Variants in EFCAB14 observed in about 807,000 individuals in gnomAD.
EFCAB14 encodes the protein EF-hand calcium binding domain 14.
EFCAB14 carries 43 observed loss-of-function variants against 56.5 expected under a neutral mutation model. The ratio of observed to expected loss-of-function variants is 0.76; its 90% confidence interval spans 0.60 to 0.98. EFCAB14 has a LOEUF of 0.98. Among genes scored for constraint, EFCAB14 ranks in the 50% least tolerant of loss-of-function variants. EFCAB14 has a pLI of 0.00. For synonymous variants in EFCAB14, 235 were observed against 212.9 expected, an observed-to-expected ratio of 1.10 and a Z score of -0.90; for missense variants, 538 against 580.3, an observed-to-expected ratio of 0.93 and a Z score of 0.75.
intron 2 of EFCAB14, among the ~76,000 whole-genome samples, chr1:46,709,712 G>A (rs1383034537): frequency 6.6e-6 from 1 of 152,202 alleles, no homozygotes; most frequent in East Asian, 1.9e-4. Flanking sequence ...CCCAGGCTGG[G>A]TGCGGTGGCT....
chr1:46,695,043 A>C (rs1569706884), intron 4 of EFCAB14, among the ~76,000 whole-genome samples: 1 of 139,050 alleles, frequency 7.2e-6, no homozygotes, highest in African/African-American at 2.7e-5. Flanking sequence ...ACACTTGGAC[A>C]CAGGAAGGGG....
chr1:46,697,559 G>A (rs1677094033), intron 3 of EFCAB14, among the ~76,000 whole-genome samples: 1 of 152,176 alleles, frequency 6.6e-6, no homozygotes, highest in Non-Finnish European at 1.5e-5. Context: ...ATTCAGAGTG[G>A]CCTCAGAGTA....
intron 1 of EFCAB14, 62 bp from the exon 2 acceptor site, chr1:46,716,505 C>T (rs1677397478): frequency 1.3e-6 from 2 of 1,571,814 alleles, no homozygotes; most frequent in African/African-American, 1.4e-5. Context: ...GCTTTATTAG[C>T]AATAGTACAC....
chr1:46,709,312 G>A (rs546135081), intron 2 of EFCAB14, among the ~76,000 whole-genome samples: 2 of 152,074 alleles, frequency 1.3e-5, no homozygotes, highest in Non-Finnish European at 2.9e-5. Flanking sequence ...ACTAACCTTT[G>A]AAGCCTCATG....
chr1:46,710,194 A>G, intron 2 of EFCAB14, among the ~76,000 whole-genome samples: 1 of 152,186 alleles, frequency 6.6e-6, no homozygotes, highest in East Asian at 1.9e-4. Context: ...CAGACTTCCT[A>G]CATGCTTTAA....
chr1:46,684,408 C>G (rs1346657402), intron 9 of EFCAB14, 83 bp downstream of exon 9: 1 of 1,129,568 alleles, frequency 8.9e-7, no homozygotes, highest in Non-Finnish European at 1.3e-6. Context: ...ATCAGTACTG[C>G]TGGAACACCT....
chr1:46,689,759 T>C, intron 5 of EFCAB14, 68 bp from the exon 6 acceptor site: 1 of 1,388,160 alleles, frequency 7.2e-7, no homozygotes, highest in Non-Finnish European at 1.0e-6. Context: ...TATCTGAGAT[T>C]GTCCTAGAAC....
intron 6 of EFCAB14, 116 bp from the exon 7 acceptor site, chr1:46,688,660 G>T: frequency 1.2e-6 from 1 of 862,142 alleles, no homozygotes; most frequent in Non-Finnish European, 1.8e-6. Context: ...TCCTTTTCCT[G>T]GTTTTGACCA....
At chr1:46,714,996 G>A (rs1054078239) in intron 2 of EFCAB14, among the ~76,000 whole-genome samples, 6 of 152,134 alleles carry the variant, frequency 3.9e-5, no homozygotes, top group Admixed American at 3.3e-4. Context: ...AGCCCTTCAC[G>A]AGTATGTAAC....
At chr1:46,691,958 A>T in intron 4 of EFCAB14, 21 bp from the exon 5 acceptor site, 1 of 1,589,222 alleles carries the variant, frequency 6.3e-7, no homozygotes, top group African/African-American at 1.4e-5. Flanking sequence ...ACATATAGGA[A>T]GGTGTAAAAA....
intron 8 of EFCAB14, among the ~76,000 whole-genome samples, chr1:46,684,919 G>A (rs955551776): frequency 1.3e-5 from 2 of 152,188 alleles, no homozygotes; most frequent in Non-Finnish European, 1.5e-5. Flanking sequence ...GTGCCTATGC[G>A]ACACCCATTT....
At chr1:46,714,268 A>G (rs1677353156) in intron 2 of EFCAB14, among the ~76,000 whole-genome samples, 1 of 152,130 alleles carries the variant, frequency 6.6e-6, no homozygotes, top group South Asian at 2.1e-4. Flanking sequence ...CTTTAATTCC[A>G]GTTCTGGAGC....
rs148579963 is a variant in EFCAB14, at chr1:46,688,496, C to A, written c.844G>T (p.Val282Leu). The A allele has an allele frequency of 5.6e-5, 91 of 1,613,776 alleles. 1 individual carries two copies. The Admixed American group carries it at 1.5e-3, about 27-fold the overall frequency. ...NSLEEVNSAL[V>L]GYQRQNDLKL... ...AGATCATTCTGTCTCTGGTACCCCA[C>A]TAGGGCACTGTTTACCTCCTCTAAA... Residue 282 changes from valine (V) to leucine (L), a missense_variant, in exon 7 of 11, where the codon GTG (valine) becomes TTG (leucine). Physicochemically the swap from Val to Leu is conservative, Grantham distance 32 (BLOSUM62 1). Coordinates refer to ENST00000371933, the MANE Select transcript of EFCAB14 (RefSeq NM_014774.3).
chr1:46,712,761 A>G (rs1233892717), intron 2 of EFCAB14, among the ~76,000 whole-genome samples: 1 of 152,108 alleles, frequency 6.6e-6, no homozygotes, highest in Non-Finnish European at 1.5e-5. Flanking sequence ...TAATCCCAGC[A>G]CTTTGGGAGG....
intron 3 of EFCAB14, among the ~76,000 whole-genome samples, chr1:46,702,722 C>CT (rs984931518): frequency 1.3e-5 from 2 of 152,150 alleles, no homozygotes; most frequent in Non-Finnish European, 2.9e-5. Flanking sequence ...TATCATCATG[C>CT]TTAAGGCTTA....
At chr1:46,695,722 C>T (rs1677069680) in intron 4 of EFCAB14, among the ~76,000 whole-genome samples, 1 of 152,166 alleles carries the variant, frequency 6.6e-6, no homozygotes, top group African/African-American at 2.4e-5. Flanking sequence ...CTAAGGATCC[C>T]TGAGTACTAT....
rs568900869 is a variant in EFCAB14 at position 46,689,294 on chromosome 1, A to AT, written c.795+292dup. On this transcript the variant is annotated intron_variant, in intron 6 of 10. Coordinates refer to ENST00000371933, the MANE Select transcript of EFCAB14 (RefSeq NM_014774.3). ...TCATCTTTAACCTGCCCAGATAGCTATTTTTTCATAAAGAGTTTCAGGATA... is the reference window on the plus strand; with the variant it reads ...TCATCTTTAACCTGCCCAGATAGCTATTTTTTTCATAAAGAGTTTCAGGATA... Among the ~76,000 whole-genome samples the AT allele has an allele frequency of 6.3e-4, 96 of 152,260 alleles. 1 individual carries two copies. The highest frequency in any genetic ancestry group is 1.1e-3 in the Non-Finnish European group (74 of 68,014).
At chr1:46,713,786 C>A (rs1376388843) in intron 2 of EFCAB14, among the ~76,000 whole-genome samples, 2 of 152,098 alleles carry the variant, frequency 1.3e-5, no homozygotes, top group African/African-American at 2.4e-5. Flanking sequence ...AGAGAGATGA[C>A]GGCACAGACA....
intron 3 of EFCAB14, among the ~76,000 whole-genome samples, chr1:46,701,016 T>C (rs973352627): frequency 4.0e-5 from 6 of 150,550 alleles, no homozygotes; most frequent in Non-Finnish European, 8.9e-5. Flanking sequence ...TGTGTGCATG[T>C]GAGATGGGAA....
Sources: gnomAD v4.1 joint callset for allele counts (sites outside exome capture counted in the v4.1 genomes callset) on GRCh38, gnomAD v4.1.1 for gene constraint, MANE v1.5 for transcripts, NCBI Gene and HGNC (gene_info 2026-07-23, HGNC 2026-07-21) for gene names.